TMEM132D: variants seen among roughly 807,000 people sequenced by gnomAD.
TMEM132D encodes mature OL transmembrane protein.
Under a neutral mutation model 62.3 loss-of-function variants are expected in TMEM132D, and 21 were observed. The observed-to-expected ratio is 0.34, with a 90% CI of 0.24 to 0.49. The LOEUF (loss-of-function observed/expected upper bound fraction) is 0.49. TMEM132D is among the 20% of genes least tolerant of loss of function. The pLI is 0.99. For synonymous variants in TMEM132D, 621 were observed against 575.6 expected (o/e 1.08, Z -1.13); for missense variants, 1,346 against 1,402.8 (o/e 0.96, Z 0.65).
intron 3 of TMEM132D, among the ~76,000 whole-genome samples, chr12:129,346,360 T>C (rs1869687303): frequency 2.0e-4 from 1 of 4,894 alleles, no homozygotes; most frequent in Non-Finnish European, 2.8e-3. Flanking sequence ...TAGCAGTCTC[T>C]ATTTGTTAAT....
At chr12:129,645,179 G>C (rs567623255) in intron 2 of TMEM132D, among the ~76,000 whole-genome samples, 4 of 152,068 alleles carry the variant, frequency 2.6e-5, no homozygotes, top group African/African-American at 9.6e-5. Flanking sequence ...TTGAGAGTCC[G>C]ATACCTCTGA....
At chr12:129,848,594 G>A (rs1002346632) in intron 1 of TMEM132D, among the ~76,000 whole-genome samples, 2 of 152,214 alleles carry the variant, frequency 1.3e-5, no homozygotes, top group East Asian at 1.9e-4. Context: ...GTGTAGGACA[G>A]TCATTTGCAA....
At chr12:129,115,557 G>A (rs1286157704) in intron 5 of TMEM132D, among the ~76,000 whole-genome samples, 1 of 152,184 alleles carries the variant, frequency 6.6e-6, no homozygotes, top group Admixed American at 6.5e-5. Flanking sequence ...ATTAAATAAT[G>A]ATACTCGGAG....
intron 3 of TMEM132D, among the ~76,000 whole-genome samples, chr12:129,484,505 A>G (rs1274558024): frequency 6.6e-6 from 1 of 152,240 alleles, no homozygotes; most frequent in Non-Finnish European, 1.5e-5. Flanking sequence ...ATTCTAGCAT[A>G]TTTGGAGAAA....
At chr12:129,676,276 T>C (rs1165209109) in intron 2 of TMEM132D, among the ~76,000 whole-genome samples, 1 of 152,042 alleles carries the variant, frequency 6.6e-6, no homozygotes, top group East Asian at 1.9e-4. Flanking sequence ...TCTGTCAGTC[T>C]GTCTGTCTAC....
intron 3 of TMEM132D, among the ~76,000 whole-genome samples, chr12:129,398,838 C>T (rs10847859): frequency 0.2 from 9,063 of 44,612 alleles, 276 homozygotes; most frequent in African/African-American, 0.26. Flanking sequence ...ATGTATTCAT[C>T]CATCCATCCA....
chr12:129,223,768 A>T (rs1879410898), intron 4 of TMEM132D, among the ~76,000 whole-genome samples: 1 of 152,166 alleles, frequency 6.6e-6, no homozygotes, highest in African/African-American at 2.4e-5. Context: ...ACTCTCAAGG[A>T]TGATAACGTC....
intron 3 of TMEM132D, among the ~76,000 whole-genome samples, chr12:129,512,643 C>A (rs1216398944): frequency 1.3e-5 from 2 of 152,204 alleles, no homozygotes; most frequent in Non-Finnish European, 2.9e-5. Flanking sequence ...TGGCCAGGAC[C>A]GTGATCAACT....
chr12:129,805,988 A>G (rs978655516), intron 1 of TMEM132D, among the ~76,000 whole-genome samples: 4 of 125,460 alleles, frequency 3.2e-5, no homozygotes, highest in African/African-American at 1.2e-4. Flanking sequence ...CAAAACCACA[A>G]TGAGATACCA....
rs1278126758 is a variant in TMEM132D, at chr12:129,082,003, T to C, written c.1679A>G (p.Asp560Gly). 2.5e-6 allele frequency: 4 copies of C among 1,610,820 alleles called. No homozygotes were observed. The Admixed American group carries it at 6.7e-5, about 27-fold the overall frequency. The change falls in exon 7 of 9, where the codon GAT (aspartate) becomes GGT (glycine). Residue 560 changes from aspartate to glycine, a missense_variant. Coordinates refer to ENST00000422113, the MANE Select transcript of TMEM132D (RefSeq NM_133448.3). ...GCAGCCGCGGCCCCTCCGCTCATCA[T>C]CCTCCTCCTCTTCACTGTCCCCGGC... ...RPAGDSEEEE[D>G]DERRGRGCTL...
At chr12:129,265,967 T>A (rs1345297203) in intron 4 of TMEM132D, among the ~76,000 whole-genome samples, 1 of 152,140 alleles carries the variant, frequency 6.6e-6, no homozygotes, top group Non-Finnish European at 1.5e-5. Context: ...CTTTGTCTGT[T>A]ACATTTACTG....
intron 1 of TMEM132D, among the ~76,000 whole-genome samples, chr12:129,790,747 C>G (rs2137298341): frequency 6.6e-6 from 1 of 152,284 alleles, no homozygotes; most frequent in Middle Eastern, 3.4e-3. Context: ...GGGCCCTCAC[C>G]AGGGATCCAC....
intron 2 of TMEM132D, among the ~76,000 whole-genome samples, chr12:129,649,436 G>T (rs1879865932): frequency 6.6e-6 from 1 of 152,152 alleles, no homozygotes; most frequent in African/African-American, 2.4e-5. Flanking sequence ...AATACGGCAT[G>T]AAATGAGACA....
chr12:129,143,120 C>A (rs1876791582), intron 5 of TMEM132D, among the ~76,000 whole-genome samples: 1 of 152,076 alleles, frequency 6.6e-6, no homozygotes. Context: ...AGGGCTCAGT[C>A]CCATAAGACT....
At chr12:129,191,177 G>A (rs1363598270) in intron 5 of TMEM132D, among the ~76,000 whole-genome samples, 1 of 152,026 alleles carries the variant, frequency 6.6e-6, no homozygotes, top group African/African-American at 2.4e-5. Flanking sequence ...AGCCTATGTG[G>A]AATCTACTCA....
intron 3 of TMEM132D, among the ~76,000 whole-genome samples, chr12:129,501,955 A>C (rs971363467): frequency 2.0e-5 from 3 of 152,108 alleles, no homozygotes; most frequent in Admixed American, 1.3e-4. Context: ...CCATCTGTGA[A>C]ATGAACATCC....
intron 1 of TMEM132D, among the ~76,000 whole-genome samples, chr12:129,713,733 C>A (rs975618433): frequency 6.6e-6 from 1 of 152,212 alleles, no homozygotes; most frequent in African/African-American, 2.4e-5. Flanking sequence ...CTGGTCTCCA[C>A]TGAGTTCAGT....
At chr12:129,616,215 A>G (rs558647578) in intron 2 of TMEM132D, among the ~76,000 whole-genome samples, 28 of 152,318 alleles carry the variant, frequency 1.8e-4, no homozygotes, top group African/African-American at 6.7e-4. Flanking sequence ...GAATTAAGTG[A>G]AAGTTGAAGA....
At chr12:129,117,319 C>T (rs1318304672) in intron 5 of TMEM132D, among the ~76,000 whole-genome samples, 1 of 151,924 alleles carries the variant, frequency 6.6e-6, no homozygotes, top group African/African-American at 2.4e-5. Context: ...ATTTCTAGGG[C>T]AGTGAAAATA....
Sources: allele counts gnomAD v4.1 joint callset (sites outside exome capture counted in the v4.1 genomes callset), GRCh38; gene constraint gnomAD v4.1.1; transcripts MANE v1.5; gene names NCBI Gene and HGNC (gene_info 2026-07-23, HGNC 2026-07-21).